MCF2L: variants seen among roughly 807,000 people sequenced by gnomAD.
The protein encoded by MCF2L is MCF.2 cell line derived transforming sequence like.
Under a neutral mutation model 153.4 loss-of-function variants are expected in MCF2L, and 97 were observed. That is an observed-to-expected ratio of 0.63 (90% CI 0.54 to 0.75). The LOEUF is 0.75. Among genes scored for constraint, MCF2L ranks in the 30% least tolerant of loss-of-function variants. The pLI, the probability that MCF2L is intolerant of heterozygous loss-of-function variation, is 0.00. For synonymous variants in MCF2L, 659 were observed against 632.2 expected, an observed-to-expected ratio of 1.04 and a Z score of -0.64; for missense variants, 1,347 against 1,495.2, an observed-to-expected ratio of 0.90 and a Z score of 1.64.
In MCF2L at chr13:113,063,885, G is replaced by A. The variant is rs565239087; in HGVS notation, c.490-419G>A. On this transcript the variant is annotated intron_variant, in intron 5 of 29. Coordinates refer to ENST00000535094, the MANE Select transcript of MCF2L (RefSeq NM_001112732.3). ...GTGGGGCTGTGAGTTTGAAGATGCC[G>A]GTGATTTCTGTGAAACCCATTTTGA... The A allele has an allele frequency of 2.5e-4, 113 of 449,020 alleles. 2 individuals carry two copies. The highest frequency in any genetic ancestry group is 1.3e-3 in the Middle Eastern group (4 of 2,994). The allele number at this position is 449,020 out of a possible 1,614,324, so 27.8% of individuals were successfully genotyped here. A position where few individuals can be genotyped will look rare whatever the true frequency, so the allele number is the denominator to read the frequency against.
rs1391831227 is a variant in MCF2L, at chr13:112,960,092, C to T, written c.170-54671C>T. On this transcript the variant is annotated intron_variant, in intron 2 of 29. Coordinates refer to the MCF2L transcript ENST00000375608. The surrounding 1 kb of genome is among the most constrained non-coding windows in gnomAD (Gnocchi z 4.2). ...TGTCCCGGACGCCTGCCCTCAGGGGCTGTGTCTTTGTCTGTTTTCTGCTGC... is the reference window on the plus strand; with the variant it reads ...TGTCCCGGACGCCTGCCCTCAGGGGTTGTGTCTTTGTCTGTTTTCTGCTGC... Among the ~76,000 whole-genome samples, 1 of 152,228 alleles carries T rather than the reference C, an allele frequency of 6.6e-6. No individual in the cohort carries two copies. The highest frequency in any genetic ancestry group is 2.4e-5 in the African/African-American group (1 of 41,456).
At chr13:112,956,205 A>C (rs995480687) in intron 2 of MCF2L, 9 of 155,670 alleles carry the variant, frequency 5.8e-5, no homozygotes, top group Non-Finnish European at 1.1e-4. Context: ...GAGTGGCAGG[A>C]GGGTCCTGGA....
At position 113,087,440 on chromosome 13, in the gene MCF2L, A is replaced by G; in HGVS notation, c.2579A>G (p.Tyr860Cys). 1 of 1,610,132 alleles carries G rather than the reference A, an allele frequency of 6.2e-7. No individual in the cohort carries two copies. The highest frequency in any genetic ancestry group is 8.5e-7 in the Non-Finnish European group (1 of 1,178,032). Residue 860 changes from tyrosine (Y) to cysteine (C), a missense_variant, in exon 22 of 30, where the codon TAC becomes TGC. By Grantham distance (194) the Tyr-to-Cys change is radical. Around this residue, in one of 3 missense-constraint regions of MCF2L, gnomAD observed 144 missense variants for 238.7 expected, o/e 0.60. Transcript: ENST00000535094. ...EGYEKAPSYS[Y>C]KQSLNMAAVG... Reference sequence around the variant, plus strand: ...TATGAGAAAGCTCCCTCCTACAGCTACAAGCAGTCCTTAAACGTAAGTGAG... The same window carrying G: ...TATGAGAAAGCTCCCTCCTACAGCTGCAAGCAGTCCTTAAACGTAAGTGAG...
At chr13:112,948,351 A>G (rs1470324916) in intron 2 of MCF2L, among the ~76,000 whole-genome samples, 2 of 152,202 alleles carry the variant, frequency 1.3e-5, no homozygotes, top group African/African-American at 4.8e-5. Context: ...TTCCCTTTTA[A>G]TTATAAATTT....
chr13:112,979,549 A>G, intron 1 of MCF2L: 1 of 1,536,024 alleles, frequency 6.5e-7, no homozygotes, highest in Non-Finnish European at 8.7e-7. Flanking sequence ...CCCGGCTTTT[A>G]GCTGTCGCAG....
intron 1 of MCF2L, among the ~76,000 whole-genome samples, chr13:112,999,519 C>G (rs1367003884): frequency 6.6e-6 from 1 of 152,242 alleles, no homozygotes; most frequent in Non-Finnish European, 1.5e-5. Flanking sequence ...TCTTTGCTCA[C>G]TCCATCTGCA....
intron 1 of MCF2L, among the ~76,000 whole-genome samples, chr13:112,974,887 G>C (rs563295952): frequency 6.6e-6 from 1 of 152,324 alleles, no homozygotes; most frequent in Admixed American, 6.5e-5. Flanking sequence ...AGCCAAGCTG[G>C]TTCTGCAGCC....
At chr13:112,940,513 T>C (rs1446676146) in intron 2 of MCF2L, among the ~76,000 whole-genome samples, 1 of 152,270 alleles carries the variant, frequency 6.6e-6, no homozygotes, top group Non-Finnish European at 1.5e-5. Flanking sequence ...CCCAGCTCCC[T>C]ACCCGCTGCC....
chr13:113,026,709 C>T (rs1035940449), intron 3 of MCF2L, among the ~76,000 whole-genome samples: 3 of 152,242 alleles, frequency 2.0e-5, no homozygotes, highest in African/African-American at 7.2e-5. Context: ...GGGGGCGTGG[C>T]CGCCTCCTGC....
chr13:113,099,243 C>T lies in MCF2L; in HGVS notation c.*2384C>T, dbSNP rs2035830253. On this transcript the variant is annotated 3_prime_UTR_variant, in exon 30 of 30. Transcript: ENST00000535094. ...AGCAAAGTTGGCAGTCGGCAGACAG[C>T]AATGTTGACTGTCATGAAAAGTGAT... 6.6e-6 allele frequency: 1 copy of T among 152,174 alleles called. No individual in the cohort carries two copies. The highest frequency in any genetic ancestry group is 2.4e-5 in the African/African-American group (1 of 41,430). The allele number at this position is 152,174 out of a possible 1,614,324, so 9.4% of individuals were successfully genotyped here.
chr13:113,013,469 C>G (rs561820662), intron 1 of MCF2L, among the ~76,000 whole-genome samples: 2 of 152,214 alleles, frequency 1.3e-5, no homozygotes, highest in Non-Finnish European at 2.9e-5. Flanking sequence ...GCAGCCAGCA[C>G]GGCCCAGGAG....
chr13:113,078,492 G>A (rs1034069067), intron 14 of MCF2L, 56 bp downstream of exon 14: 3 of 1,520,926 alleles, frequency 2.0e-6, no homozygotes, highest in African/African-American at 2.7e-5. Flanking sequence ...GGTTCACGCT[G>A]GGCCTGGTTC....
At chr13:112,930,985 C>A (rs1233679498) in intron 2 of MCF2L, among the ~76,000 whole-genome samples, 2 of 152,078 alleles carry the variant, frequency 1.3e-5, no homozygotes, top group African/African-American at 4.8e-5. Context: ...AGAGGGGTCC[C>A]CGGAAGGAAT....
At chr13:112,987,111 A>G (rs894980039) in intron 1 of MCF2L, among the ~76,000 whole-genome samples, 1 of 151,904 alleles carries the variant, frequency 6.6e-6, no homozygotes, top group African/African-American at 2.4e-5. Flanking sequence ...GAACTCACTC[A>G]GTGGAGCTGC....
At chr13:113,092,197 C>T (rs983041567) in intron 26 of MCF2L, among the ~76,000 whole-genome samples, 5 of 152,220 alleles carry the variant, frequency 3.3e-5, no homozygotes, top group Admixed American at 2.6e-4. Flanking sequence ...GAAGGTGGGC[C>T]GGGTGGGCCC....
chr13:112,998,577 G>A (rs1041049925), intron 1 of MCF2L, among the ~76,000 whole-genome samples: 2 of 152,228 alleles, frequency 1.3e-5, no homozygotes, highest in African/African-American at 4.8e-5. Context: ...TTTCCTGGGG[G>A]ATGGGATGGT....
Position 112,945,001 on chromosome 13 carries a change from A to ATTTTT in MCF2L, c.169+42642_169+42646dup, listed in dbSNP as rs10690779. Reference sequence around the variant, plus strand: ...GATGCAATGCCAATTAGGCACCACTATTTTTTTTTTTTTTTTGTATAAAAC... The same window carrying ATTTTT: ...GATGCAATGCCAATTAGGCACCACTATTTTTTTTTTTTTTTTTTTTTGTATAAAAC... On this transcript the variant is annotated intron_variant, in intron 2 of 29. Coordinates refer to the MCF2L transcript ENST00000375608. Among the ~76,000 whole-genome samples, 324 of 139,336 alleles carry ATTTTT rather than the reference A, an allele frequency of 2.3e-3. 7 individuals carry two copies. The highest frequency in any genetic ancestry group is 7.4e-3 in the African/African-American group (279 of 37,558). 91.4% of individuals were successfully genotyped at this position (139,336 alleles called of 152,430 possible).
chr13:112,934,097 T>C (rs769242410), intron 2 of MCF2L, among the ~76,000 whole-genome samples: 9 of 152,268 alleles, frequency 5.9e-5, no homozygotes, highest in Non-Finnish European at 1.3e-4. Flanking sequence ...GTTTTAACCC[T>C]ATTTCCCACC....
At chr13:112,912,421 A>T (rs1440047309) in intron 2 of MCF2L, among the ~76,000 whole-genome samples, 1 of 151,930 alleles carries the variant, frequency 6.6e-6, no homozygotes, top group Non-Finnish European at 1.5e-5. Context: ...GGTTCAAGCA[A>T]TTCTCCTGCC....
Sources: gnomAD v4.1 joint callset for allele counts (sites outside exome capture counted in the v4.1 genomes callset) on GRCh38, gnomAD v4.1.1 for gene constraint, gnomAD v4.1.1 regional missense constraint, Gnocchi (gnomAD v3.1) non-coding constraint, MANE v1.5 for transcripts, NCBI Gene and HGNC (gene_info 2026-07-23, HGNC 2026-07-21) for gene names.